Variants in BAALC observed in about 807,000 individuals in gnomAD.
BAALC encodes BAALC binder of MAP3K1 and KLF4.
Under a neutral mutation model 15.5 loss-of-function variants are expected in BAALC, and 9 were observed. The observed-to-expected ratio is 0.58, with a 90% CI of 0.35 to 1.02. The LOEUF (loss-of-function observed/expected upper bound fraction) is 1.02. Ranked by LOEUF, BAALC falls within the 50% of genes least tolerant of loss-of-function variation. The pLI, the probability that BAALC is intolerant of heterozygous loss-of-function variation, is 0.02. For synonymous variants in BAALC, 80 were observed against 74.6 expected, an observed-to-expected ratio of 1.07 and a Z score of -0.37; for missense variants, 201 against 192.4, an observed-to-expected ratio of 1.04 and a Z score of -0.27.
intron 1 of BAALC, among the ~76,000 whole-genome samples, chr8:103,148,495 C>T (rs1497449): frequency 0.35 from 53,827 of 152,102 alleles, 9,637 homozygotes; most frequent in Middle Eastern, 0.48. Context: ...ATGGGGTATC[C>T]ATCACCTCAA....
In BAALC at chr8:103,230,127, C is replaced by G. The variant is rs1340104025; in HGVS notation, c.*2028C>G. The G allele has an allele frequency of 3.3e-5, 5 of 152,194 alleles. No individual in the cohort carries two copies. Among genetic ancestry groups the G allele is most frequent in the Non-Finnish European group, 5.9e-5 (4 of 68,034 alleles). The allele number at this position is 152,194 out of a possible 1,614,324, so 9.4% of individuals were successfully genotyped here. A position where few individuals can be genotyped will look rare whatever the true frequency, so the allele number is the denominator to read the frequency against. On this transcript the variant is annotated 3_prime_UTR_variant, in exon 3 of 3. Coordinates refer to ENST00000309982, the MANE Select transcript of BAALC (RefSeq NM_024812.3). ...GAAATGCAGGGCACATGATCTGGCC[C>G]TCCCCAGAACAATCTGGATTTCACG...
chr8:103,153,576 C>T (rs1811026449), intron 1 of BAALC, among the ~76,000 whole-genome samples: 1 of 152,190 alleles, frequency 6.6e-6, no homozygotes, highest in East Asian at 1.9e-4. Flanking sequence ...GGTGGACATT[C>T]CCTTGTCTTC....
intron 2 of BAALC, among the ~76,000 whole-genome samples, chr8:103,227,310 C>G (rs952078890): frequency 1.3e-5 from 2 of 152,188 alleles, no homozygotes; most frequent in Non-Finnish European, 2.9e-5. Flanking sequence ...GAAAGTTAAG[C>G]TTAGGAGCTA....
chr8:103,192,666 G>A (rs141774301), intron 1 of BAALC, among the ~76,000 whole-genome samples: 2 of 152,224 alleles, frequency 1.3e-5, no homozygotes, highest in East Asian at 3.9e-4. Context: ...CATTTAGATG[G>A]CCAAGGGAAA....
chr8:103,152,681 G>T (rs1021441788), intron 1 of BAALC, among the ~76,000 whole-genome samples: 7 of 152,170 alleles, frequency 4.6e-5, no homozygotes, highest in African/African-American at 1.7e-4. Flanking sequence ...TACCAGTTAG[G>T]GATTGCATCT....
chr8:103,148,008 G>T (rs1810912592), intron 1 of BAALC, among the ~76,000 whole-genome samples: 1 of 152,172 alleles, frequency 6.6e-6, no homozygotes, highest in Admixed American at 6.5e-5. Flanking sequence ...TGTTCTTTTA[G>T]AATGTTGTTA....
intron 1 of BAALC, among the ~76,000 whole-genome samples, chr8:103,196,860 G>A (rs980961236): frequency 6.6e-6 from 1 of 152,198 alleles, no homozygotes; most frequent in African/African-American, 2.4e-5. Flanking sequence ...TGAGTATTAG[G>A]GAATCAGTGT....
chr8:103,179,830 A>G (rs1182953220), intron 1 of BAALC, among the ~76,000 whole-genome samples: 7 of 152,224 alleles, frequency 4.6e-5, no homozygotes, highest in Admixed American at 2.0e-4. Context: ...TGGGAGGGAT[A>G]TTCAGTAGTG....
chr8:103,154,813 C>T (rs1811055180), intron 1 of BAALC: 1 of 154,400 alleles, frequency 6.5e-6, no homozygotes, highest in African/African-American at 2.4e-5. Flanking sequence ...TGCTATTATA[C>T]TGTATACTCT....
At chr8:103,144,939 A>G (rs1172121340) in intron 1 of BAALC, among the ~76,000 whole-genome samples, 2 of 152,298 alleles carry the variant, frequency 1.3e-5, no homozygotes, top group South Asian at 4.1e-4. Flanking sequence ...ACGAGGCAGG[A>G]ACTATAGCCA....
At chr8:103,188,605 G>A (rs942478237) in intron 1 of BAALC, among the ~76,000 whole-genome samples, 16 of 152,174 alleles carry the variant, frequency 1.1e-4, no homozygotes, top group African/African-American at 3.9e-4. Flanking sequence ...GGTGTGTGGA[G>A]CAGAGGGGCT....
At chr8:103,197,388 G>T (rs534044815) in intron 1 of BAALC, among the ~76,000 whole-genome samples, 4 of 152,110 alleles carry the variant, frequency 2.6e-5, no homozygotes, top group African/African-American at 9.6e-5. Context: ...CTACAACATT[G>T]TTGTGACAAT....
chr8:103,219,273 C>T (rs968629252), intron 2 of BAALC, among the ~76,000 whole-genome samples: 2 of 152,190 alleles, frequency 1.3e-5, no homozygotes, highest in African/African-American at 4.8e-5. Context: ...ATATTCTTCC[C>T]TTGACTCCTG....
At chr8:103,164,358 A>G (rs1288363144) in intron 1 of BAALC, among the ~76,000 whole-genome samples, 1 of 152,128 alleles carries the variant, frequency 6.6e-6, no homozygotes, top group Non-Finnish European at 1.5e-5. Context: ...TTTGGGCTTT[A>G]TTCCAGTGTC....
chr8:103,227,677 A>G (rs1294167945), intron 2 of BAALC, among the ~76,000 whole-genome samples: 2 of 152,212 alleles, frequency 1.3e-5, no homozygotes, highest in African/African-American at 4.8e-5. Context: ...CCTTTCACAC[A>G]TAAAATGTGG....
At chr8:103,163,023 G>A (rs1008121009) in intron 1 of BAALC, among the ~76,000 whole-genome samples, 3 of 152,084 alleles carry the variant, frequency 2.0e-5, no homozygotes, top group African/African-American at 7.2e-5. Context: ...TTATCACAAA[G>A]AGTACCAATT....
At chr8:103,208,854 G>C (rs60613695) in intron 1 of BAALC, among the ~76,000 whole-genome samples, 10,520 of 152,218 alleles carry the variant, frequency 0.069, 401 homozygotes, top group Middle Eastern at 0.19. Context: ...TGGGAGAAGG[G>C]AGAAGGGAGC....
chr8:103,198,315 C>G (rs1812140419), intron 1 of BAALC, among the ~76,000 whole-genome samples: 2 of 151,916 alleles, frequency 1.3e-5, no homozygotes, highest in African/African-American at 2.4e-5. Context: ...AATAAATAGC[C>G]TAATATTCTG....
intron 1 of BAALC, among the ~76,000 whole-genome samples, chr8:103,205,804 T>C (rs1812314595): frequency 6.6e-6 from 1 of 152,202 alleles, no homozygotes; most frequent in African/African-American, 2.4e-5. Context: ...ACCACAAGCT[T>C]TGGAAACATA....
Sources: allele counts gnomAD v4.1 joint callset (sites outside exome capture counted in the v4.1 genomes callset), GRCh38; gene constraint gnomAD v4.1.1; transcripts MANE v1.5; gene names NCBI Gene and HGNC (gene_info 2026-07-23, HGNC 2026-07-21).